STX12: variants seen among roughly 807,000 people sequenced by gnomAD.
STX12 encodes the protein syntaxin 12.
A neutral mutation model predicts 42.2 loss-of-function variants in STX12; 17 were observed. The ratio of observed to expected loss-of-function variants is 0.40; its 90% CI spans 0.28 to 0.60. The LOEUF (loss-of-function observed/expected upper bound fraction) is 0.60. STX12 is among the 20% of genes least tolerant of loss of function. The pLI is 0.39. For synonymous variants in STX12, 108 were observed against 116.7 expected (o/e 0.93, Z 0.48); for missense variants, 297 against 330.9 (o/e 0.90, Z 0.79).
At position 27,822,279 on chromosome 1, in the gene STX12, A is replaced by T; in HGVS notation, c.781A>T (p.Ile261Phe). ...MCILVLVLSV[I>F]ILILGLIIWL... ...TATCCTGGTGCTTGTCCTGTCAGTG[A>T]TTATTCTAATCTTGGGACTTATTAT... The change falls in exon 9 of 9, where the codon ATT becomes TTT. Residue 261 changes from isoleucine (I) to phenylalanine (F), a missense_variant. By Grantham distance (21) the Ile-to-Phe change is conservative. Transcript: ENST00000373943. 6.2e-7 allele frequency: 1 copy of T among 1,613,878 alleles called. No individual in the cohort carries two copies. The highest frequency in any genetic ancestry group is 8.5e-7 in the Non-Finnish European group (1 of 1,179,780).
At chr1:27,798,068 T>C (rs547636859) in intron 3 of STX12, among the ~76,000 whole-genome samples, 4 of 152,310 alleles carry the variant, frequency 2.6e-5, no homozygotes, top group Middle Eastern at 3.4e-3. Context: ...ATTGTATAGA[T>C]AAATGAATTA....
In STX12 at chr1:27,773,227, C is replaced by A; in HGVS notation, c.-81C>A. The A allele has an allele frequency of 2.2e-6, 2 of 912,390 alleles. No individual in the cohort carries two copies. The highest frequency in any genetic ancestry group is 3.4e-6 in the Non-Finnish European group (2 of 580,750). The allele number at this position is 912,390 out of a possible 1,614,324, so 56.5% of individuals were successfully genotyped here. A position where few individuals can be genotyped will look rare whatever the true frequency, so the allele number is the denominator to read the frequency against. ...TCCCCGCCCTTGCTCTTCCCAGTTTCTCCGTCAGCCTGCGGGTCCCGGCTG... is the reference window on the plus strand; with the variant it reads ...TCCCCGCCCTTGCTCTTCCCAGTTTATCCGTCAGCCTGCGGGTCCCGGCTG... On this transcript the variant is annotated 5_prime_UTR_variant, in exon 1 of 9. Transcript: ENST00000373943.
chr1:27,817,843 T>C lies in STX12; in HGVS notation c.577-8T>C. The C allele has an allele frequency of 1.9e-6, 3 of 1,613,424 alleles. No homozygotes were observed. The South Asian group carries it at 3.3e-5, about 18-fold the overall frequency. ...TAATGTTAGTTAATTGTTTTTTGTCTTCCTTAGGCTGACATTTTGGATGTC... is the reference window on the plus strand; with the variant it reads ...TAATGTTAGTTAATTGTTTTTTGTCCTCCTTAGGCTGACATTTTGGATGTC... On this transcript the variant is annotated splice_polypyrimidine_tract_variant and splice_region_variant and intron_variant, in intron 6 of 8. Coordinates refer to ENST00000373943, the MANE Select transcript of STX12 (RefSeq NM_177424.3).
At chr1:27,775,192 A>T (rs1431985511) in intron 1 of STX12, among the ~76,000 whole-genome samples, 1 of 152,164 alleles carries the variant, frequency 6.6e-6, no homozygotes, top group African/African-American at 2.4e-5. Context: ...GTATCCATCT[A>T]TCCATCTTCG....
intron 7 of STX12, among the ~76,000 whole-genome samples, chr1:27,818,902 C>T (rs1348359780): frequency 6.6e-6 from 1 of 152,092 alleles, no homozygotes; most frequent in Non-Finnish European, 1.5e-5. Context: ...GGTGGGATTA[C>T]AGGCGTGAGC....
chr1:27,819,872 C>A, intron 8 of STX12, 140 bp downstream of exon 8: 1 of 609,824 alleles, frequency 1.6e-6, no homozygotes, highest in Non-Finnish European at 2.8e-6. Context: ...GTCCCAGTTC[C>A]ATTTTTATTA....
intron 6 of STX12, among the ~76,000 whole-genome samples, chr1:27,812,916 C>T (rs1436283706): frequency 6.6e-6 from 1 of 152,186 alleles, no homozygotes; most frequent in Non-Finnish European, 1.5e-5. Context: ...CCTCAAATCT[C>T]AATGCCAACC....
At position 27,797,059 on chromosome 1, in the gene STX12, C is replaced by T. The variant is rs368936937; in HGVS notation, c.288+3427C>T. ...TGAGACACAGTTTCACTGTGTCACC[C>T]AGGCTGGAGTGCAGTGGCGTGATCT... On this transcript the variant is annotated intron_variant, in intron 3 of 8. Coordinates refer to ENST00000373943, the MANE Select transcript of STX12 (RefSeq NM_177424.3). 2.6e-5 allele frequency among the ~76,000 whole-genome samples: 4 copies of T among 151,824 alleles called. No homozygotes were observed. The East Asian group carries it at 7.8e-4, about 29-fold the overall frequency.
intron 6 of STX12, among the ~76,000 whole-genome samples, chr1:27,816,857 A>C (rs1479684866): frequency 6.6e-6 from 1 of 151,426 alleles, no homozygotes; most frequent in African/African-American, 2.4e-5. Context: ...TGGAGGTTGC[A>C]GTGAGACGAG....
At chr1:27,809,312 G>C (rs61787137) in intron 4 of STX12, among the ~76,000 whole-genome samples, 6 of 46 alleles carry the variant, frequency 0.13, no homozygotes, top group Admixed American at 0.31. Flanking sequence ...CCAGCCTCGG[G>C]ACCAGAGTAA....
intron 3 of STX12, among the ~76,000 whole-genome samples, chr1:27,796,093 A>T (rs77921654): frequency 0.015 from 2,344 of 152,310 alleles, 25 homozygotes; most frequent in Non-Finnish European, 0.025. Context: ...TTATTTTTGG[A>T]TTATGCATGC....
At chr1:27,817,757 A>C (rs2088952990) in intron 6 of STX12, 94 bp from the exon 7 acceptor site, 1 of 1,039,644 alleles carries the variant, frequency 9.6e-7, no homozygotes, top group Non-Finnish European at 1.5e-6. Flanking sequence ...CCTTAAAAAC[A>C]CACGTGTTAA....
At chr1:27,784,024 G>A (rs55869052) in intron 1 of STX12, among the ~76,000 whole-genome samples, 2 of 151,850 alleles carry the variant, frequency 1.3e-5, no homozygotes, top group Non-Finnish European at 2.9e-5. Context: ...ACTAAAAATA[G>A]AAAAAATTAG....
intron 3 of STX12, among the ~76,000 whole-genome samples, chr1:27,799,203 C>G (rs992449097): frequency 6.6e-5 from 10 of 152,146 alleles, no homozygotes; most frequent in Admixed American, 6.6e-4. Flanking sequence ...GACTTTATCT[C>G]TCTTTCCCCA....
chr1:27,811,215 AG>A (rs2088900966), intron 5 of STX12, among the ~76,000 whole-genome samples: 1 of 149,138 alleles, frequency 6.7e-6, no homozygotes, highest in East Asian at 2.1e-4. Context: ...ACTACTCTCG[AG>A]GCTGAGGCAG....
intron 4 of STX12, among the ~76,000 whole-genome samples, chr1:27,806,293 AT>A (rs1045785459): frequency 6.6e-6 from 1 of 152,206 alleles, no homozygotes; most frequent in African/African-American, 2.4e-5. Flanking sequence ...CCAAATACCC[AT>A]CTGAAAAGTT....
chr1:27,793,204 T>C (rs1390728519), intron 2 of STX12, among the ~76,000 whole-genome samples: 1 of 152,196 alleles, frequency 6.6e-6, no homozygotes, highest in Non-Finnish European at 1.5e-5. Flanking sequence ...AACTACTTGA[T>C]TTAGGTGTGG....
chr1:27,811,588 C>T (rs1243373970), intron 5 of STX12, among the ~76,000 whole-genome samples: 1 of 151,874 alleles, frequency 6.6e-6, no homozygotes, highest in Non-Finnish European at 1.5e-5. Context: ...CCTCCTGCCT[C>T]GGCCTCCCAA....
intron 2 of STX12, among the ~76,000 whole-genome samples, chr1:27,792,217 T>C (rs537358242): frequency 5.2e-4 from 68 of 129,636 alleles, no homozygotes; most frequent in Admixed American, 1.8e-3. Flanking sequence ...TATGTATCTA[T>C]ATATATGTAT....
Sources: allele counts gnomAD v4.1 joint callset (sites outside exome capture counted in the v4.1 genomes callset), GRCh38; gene constraint gnomAD v4.1.1; transcripts MANE v1.5; gene names NCBI Gene and HGNC (gene_info 2026-07-23, HGNC 2026-07-21).